The following ALDOB variants were observed in gnomAD, a reference collection of about 807,000 sequenced individuals.
ALDOB encodes aldolase, fructose-bisphosphate B, also known as fructose-bisphosphate aldolase B.
In ALDOB, 39 loss-of-function variants were observed where a neutral mutation model predicts 41.0. The ratio of observed to expected loss-of-function variants is 0.95; its 90% confidence interval spans 0.74 to 1.24. The LOEUF (loss-of-function observed/expected upper bound fraction) is 1.24, where lower values mean the gene tolerates loss of function less well. ALDOB is among the 50% of genes most tolerant of loss of function. The pLI is 0.00. For synonymous variants in ALDOB, 175 were observed against 168.8 expected, an observed-to-expected ratio of 1.04 and a Z score of -0.28; for missense variants, 530 against 457.3, an observed-to-expected ratio of 1.16 and a Z score of -1.45.
intron 5 of ALDOB, 85 bp downstream of exon 5, chr9:101,427,397 T>G: frequency 6.6e-7 from 1 of 1,517,132 alleles, no homozygotes; most frequent in Non-Finnish European, 9.1e-7. Flanking sequence ...AGGAGGTCCA[T>G]TTGTAGTTAT....
chr9:101,421,881 T>C lies in ALDOB; in HGVS notation c.1023A>G (p.Gly341=). 6 of 1,613,962 alleles carry C rather than the reference T, an allele frequency of 3.7e-6. No homozygotes were observed. Among genetic ancestry groups the C allele is most frequent in the Non-Finnish European group, 5.1e-6 (6 of 1,179,968 alleles). The change falls in exon 9 of 9, where the codon GGA becomes GGG. Residue 341 remains glycine, a synonymous_variant. Transcript: ENST00000647789. ...CAGAAGAACCCGTGTGAACATACTG[T>C]CCTTTGGCCGCCTGGCAGTTAGCCT... ...RAMANCQAAK[G]QYVHTGSSGA... is the part of the protein sequence containing the mutation.
At chr9:101,428,017 G>A (rs1381773425) in intron 4 of ALDOB, among the ~76,000 whole-genome samples, 1 of 152,212 alleles carries the variant, frequency 6.6e-6, no homozygotes, top group African/African-American at 2.4e-5. Flanking sequence ...GTGAGTTAAT[G>A]CTTGTCTACT....
At chr9:101,426,154 C>T (rs1379072309) in intron 6 of ALDOB, among the ~76,000 whole-genome samples, 1 of 152,154 alleles carries the variant, frequency 6.6e-6, no homozygotes, top group Non-Finnish European at 1.5e-5. Context: ...AATAGAACCA[C>T]CCTCTTTCAG....
Position 101,430,760 on chromosome 9 carries a change from T to C in ALDOB, c.112+16A>G. 1 of 1,569,232 alleles carries C rather than the reference T, an allele frequency of 6.4e-7. No homozygotes were observed. The highest frequency in any genetic ancestry group is 1.1e-5 in the South Asian group (1 of 90,142). ...ATAATATGTTGTTATATGATGAGAC[T>C]GCTTTTTACACTCACCTACAGATTC... is the stretch of plus-strand genomic sequence containing the variant. On this transcript the variant is annotated intron_variant, in intron 2 of 8. Transcript: ENST00000647789.
At chr9:101,427,160 C>A (rs1314753099) in intron 5 of ALDOB, among the ~76,000 whole-genome samples, 1 of 152,160 alleles carries the variant, frequency 6.6e-6, no homozygotes, top group Admixed American at 6.5e-5. Flanking sequence ...AGGATCATGT[C>A]TTGGATGTTA....
chr9:101,421,916 A>G lies in ALDOB; in HGVS notation c.1000-12T>C, dbSNP rs376169475. ...GCCTGGCAGTTAGCCTAGAAGACAA[A>G]TATGAGAGAGGAGACTGGTTAGAGT... On this transcript the variant is annotated splice_polypyrimidine_tract_variant and intron_variant, in intron 8 of 8. Transcript: ENST00000647789. 3 of 1,611,102 alleles carry G rather than the reference A, an allele frequency of 1.9e-6. No homozygotes were observed. Among genetic ancestry groups the G allele is most frequent in the Non-Finnish European group, 2.5e-6 (3 of 1,177,976 alleles).
intron 6 of ALDOB, among the ~76,000 whole-genome samples, chr9:101,426,244 A>G (rs1253210250): frequency 6.6e-6 from 1 of 152,180 alleles, no homozygotes; most frequent in Non-Finnish European, 1.5e-5. Context: ...CACATGTCTT[A>G]TTTTAAAATT....
At chr9:101,429,164 C>T in intron 3 of ALDOB, among the ~76,000 whole-genome samples, 1 of 131,504 alleles carries the variant, frequency 7.6e-6, no homozygotes, top group Non-Finnish European at 1.7e-5. Context: ...TAGACAGGAT[C>T]TTACTCTTTT....
At chr9:101,434,712 GC>G (rs770373228) in intron 1 of ALDOB, among the ~76,000 whole-genome samples, 24 of 152,182 alleles carry the variant, frequency 1.6e-4, no homozygotes, top group Non-Finnish European at 2.5e-4. Context: ...ACGCGGAGCA[GC>G]CCAGAACGAG....
intron 7 of ALDOB, 43 bp from the exon 8 acceptor site, chr9:101,425,085 T>C: frequency 1.2e-6 from 2 of 1,600,246 alleles, no homozygotes; most frequent in East Asian, 2.2e-5. Context: ...TCCCACCTTA[T>C]ATACCCTGCT....
chr9:101,427,417 GA>G, intron 5 of ALDOB, 64 bp downstream of exon 5: 1 of 1,585,706 alleles, frequency 6.3e-7, no homozygotes, highest in Admixed American at 1.7e-5. Context: ...TAGTATAATT[GA>G]AAAGAAAAGC....
At chr9:101,424,249 C>G (rs1048862725) in intron 8 of ALDOB, among the ~76,000 whole-genome samples, 13 of 152,220 alleles carry the variant, frequency 8.5e-5, no homozygotes, top group Admixed American at 7.2e-4. Flanking sequence ...GAAACCCCAT[C>G]TTTACTAAAA....
chr9:101,431,584 A>G (rs1831220488), intron 1 of ALDOB, among the ~76,000 whole-genome samples: 1 of 152,130 alleles, frequency 6.6e-6, no homozygotes, highest in African/African-American at 2.4e-5. Context: ...TCCCTGCTCC[A>G]GCTTCACTGC....
intron 1 of ALDOB, among the ~76,000 whole-genome samples, chr9:101,432,757 A>G (rs915596916): frequency 6.6e-6 from 1 of 152,228 alleles, no homozygotes; most frequent in African/African-American, 2.4e-5. Flanking sequence ...CAAATAGCTA[A>G]TAAGGCATCA....
rs764984757 is a variant in ALDOB, at chr9:101,421,871, G to A, written c.1033C>T (p.His345Tyr). The A allele has an allele frequency of 1.9e-5, 30 of 1,613,970 alleles. No individual in the cohort carries two copies. Among genetic ancestry groups the A allele is most frequent in the Non-Finnish European group, 2.5e-5 (29 of 1,180,016 alleles). ...NCQAAKGQYV[H>Y]TGSSGAASTQ... ...GAAGCAGCCCCAGAAGAACCCGTGT[G>A]AACATACTGTCCTTTGGCCGCCTGG... Residue 345 changes from histidine (H) to tyrosine (Y), a missense_variant, in exon 9 of 9, where the codon CAC (histidine) becomes TAC (tyrosine). His to Tyr is a moderately conservative substitution (Grantham distance 83). Coordinates refer to ENST00000647789, the MANE Select transcript of ALDOB (RefSeq NM_000035.4).
intron 5 of ALDOB, 33 bp from the exon 6 acceptor site, chr9:101,426,671 G>A: frequency 1.5e-6 from 2 of 1,323,676 alleles, no homozygotes; most frequent in Non-Finnish European, 2.2e-6. Context: ...CAAAAGTGAA[G>A]CTGTGCTCAC....
intron 1 of ALDOB, among the ~76,000 whole-genome samples, chr9:101,433,145 T>C (rs1455794289): frequency 6.6e-6 from 1 of 152,242 alleles, no homozygotes; most frequent in African/African-American, 2.4e-5. Flanking sequence ...GCTCAAAATA[T>C]ATTTGTTAAA....
rs994580211 is a variant in ALDOB at position 101,424,844 on chromosome 9, A to G, written c.998T>C (p.Met333Thr). 10 of 1,612,628 alleles carry G rather than the reference A, an allele frequency of 6.2e-6. No homozygotes were observed. The highest frequency in any genetic ancestry group is 1.1e-5 in the South Asian group (1 of 91,010). Reference protein sequence around the residue: ...ATQEAFMKRAMANCQAAKGQY... With the variant: ...ATQEAFMKRATANCQAAKGQY... Reference sequence around the variant, plus strand: ...AGATAAGAGGTGGCAGCATCTTACCATGGCCCGCTTCATAAAAGCCTCCTG... The same window carrying G: ...AGATAAGAGGTGGCAGCATCTTACCGTGGCCCGCTTCATAAAAGCCTCCTG... Residue 333 changes from methionine (M) to threonine (T), a missense_variant and splice_region_variant, in exon 8 of 9, where the codon ATG becomes ACG. Physicochemically the swap from Met to Thr is moderately conservative, Grantham distance 81. Transcript: ENST00000647789.
intron 2 of ALDOB, among the ~76,000 whole-genome samples, chr9:101,430,263 T>A (rs761947270): frequency 2.0e-4 from 30 of 152,068 alleles, no homozygotes; most frequent in Admixed American, 6.5e-4. Context: ...TGGTCCTCAG[T>A]CTTGCTGGAT....
Sources: gnomAD v4.1 joint callset for allele counts (sites outside exome capture counted in the v4.1 genomes callset) on GRCh38, gnomAD v4.1.1 for gene constraint, MANE v1.5 for transcripts, NCBI Gene and HGNC (gene_info 2026-07-23, HGNC 2026-07-21) for gene names.